Variants in ZDHHC11 observed in about 807,000 individuals in gnomAD.
ZDHHC11 encodes zDHHC palmitoyltransferase 11.
Under a neutral mutation model 51.3 loss-of-function variants are expected in ZDHHC11, and 44 were observed. The ratio of observed to expected loss-of-function variants is 0.86; its 90% CI spans 0.67 to 1.10. The LOEUF is 1.10. ZDHHC11 is among the 50% of genes least tolerant of loss of function. The probability of loss-of-function intolerance (pLI) is 0.00; values close to 1 mark genes in which losing one functional copy is unlikely to be tolerated. For synonymous variants in ZDHHC11, 163 were observed against 222.0 expected, an observed-to-expected ratio of 0.73 and a Z score of 2.36; for missense variants, 400 against 537.7, an observed-to-expected ratio of 0.74 and a Z score of 2.53.
chr5:822,702 T>C (rs1421933280), intron 8 of ZDHHC11, among the ~76,000 whole-genome samples: 1 of 151,530 alleles, frequency 6.6e-6, no homozygotes, highest in African/African-American at 2.4e-5. Flanking sequence ...AGGCAGGGTC[T>C]TGCTATGTTG....
chr5:842,100 GC>G (rs1189481036), intron 4 of ZDHHC11: 2 of 986,612 alleles, frequency 2.0e-6, no homozygotes, highest in East Asian at 2.3e-4. Context: ...ATCTGGAACA[GC>G]AAACCCAGGA....
intron 11 of ZDHHC11, among the ~76,000 whole-genome samples, chr5:809,418 T>G (rs1033143888): frequency 7.5e-5 from 11 of 147,252 alleles, no homozygotes; most frequent in Admixed American, 2.0e-4. Context: ...CTCCCAAATG[T>G]GGGTCCCGGA....
In ZDHHC11 at chr5:803,722, G is replaced by A. The variant is rs1226450310; in HGVS notation, c.1182-2558C>T. 1.3e-5 allele frequency among the ~76,000 whole-genome samples: 2 copies of A among 150,944 alleles called. 1 individual carries two copies. Among genetic ancestry groups the A allele is most frequent in the African/African-American group, 4.9e-5 (2 of 41,086 alleles). ...AAATCAGCTGTCTTAAATATGCTCA[G>A]TAAACTACAGGAAGTCACTGACAAC... is the stretch of plus-strand genomic sequence containing the variant. On this transcript the variant is annotated intron_variant, in intron 11 of 12. Coordinates refer to ENST00000283441, the MANE Select transcript of ZDHHC11 (RefSeq NM_024786.3).
At chr5:829,672 A>T (rs1185668599) in intron 7 of ZDHHC11, among the ~76,000 whole-genome samples, 1 of 148,558 alleles carries the variant, frequency 6.7e-6, no homozygotes, top group Non-Finnish European at 1.5e-5. Flanking sequence ...CCAAACCATG[A>T]AAGGACATAG....
intron 7 of ZDHHC11, among the ~76,000 whole-genome samples, chr5:831,311 T>G (rs1743048447): frequency 6.7e-6 from 1 of 149,178 alleles, no homozygotes; most frequent in Non-Finnish European, 1.5e-5. Context: ...CAATTGGGTG[T>G]GGTGGCTCAT....
At position 795,806 on chromosome 5, in the gene ZDHHC11, GCT is replaced by G. The variant is rs1737480755; in HGVS notation, c.*780_*781del. ...CAGGTCTGGGGTTTCCCAGTACTAT[GCT>G]CCCATTTCCCAGTACTGTGCTCCCA... On this transcript the variant is annotated 3_prime_UTR_variant, in exon 13 of 13. Coordinates refer to ENST00000283441, the MANE Select transcript of ZDHHC11 (RefSeq NM_024786.3). 1 of 154,226 alleles carries G rather than the reference GCT, an allele frequency of 6.5e-6. No homozygotes were observed. 9.6% of individuals were successfully genotyped at this position (154,226 alleles called of 1,614,324 possible). A position where few individuals can be genotyped will look rare whatever the true frequency, so the allele number is the denominator to read the frequency against.
At chr5:824,744 C>A (rs1742066916) in intron 8 of ZDHHC11, among the ~76,000 whole-genome samples, 1 of 148,912 alleles carries the variant, frequency 6.7e-6, no homozygotes, top group South Asian at 2.1e-4. Flanking sequence ...GTCTCCTACA[C>A]ACAGTCTTTC....
intron 10 of ZDHHC11, chr5:816,947 G>C (rs1358282831): frequency 3.0e-6 from 1 of 329,904 alleles, no homozygotes; most frequent in Non-Finnish European, 6.2e-6. Flanking sequence ...GGATGCATGA[G>C]CCTGAAATGT....
intron 1 of ZDHHC11, among the ~76,000 whole-genome samples, chr5:857,256 A>G (rs914654411): frequency 6.6e-6 from 1 of 152,156 alleles, no homozygotes; most frequent in African/African-American, 2.4e-5. Flanking sequence ...CTGCAGCGCA[A>G]TCCTGTGTGG....
rs147530979 is a variant in ZDHHC11 at position 818,822 on chromosome 5, C to G, written c.1146+703G>C. On this transcript the variant is annotated intron_variant, in intron 10 of 12. Coordinates refer to ENST00000283441, the MANE Select transcript of ZDHHC11 (RefSeq NM_024786.3). ...GCTGCAGTGAGCCATTATCCCACCACTATAATCCATGCTGGGTGACAGAGT... is the reference window on the plus strand; with the variant it reads ...GCTGCAGTGAGCCATTATCCCACCAGTATAATCCATGCTGGGTGACAGAGT... 9.0e-4 allele frequency among the ~76,000 whole-genome samples: 137 copies of G among 151,508 alleles called. 1 individual carries two copies. In the East Asian group the frequency reaches 0.015, roughly 16 times the overall value.
upstream of ZDHHC11, among the ~76,000 whole-genome samples, chr5:853,849 G>A (rs1747701039): frequency 6.7e-6 from 1 of 149,792 alleles, no homozygotes; most frequent in African/African-American, 2.5e-5. Context: ...AGACCCCACA[G>A]AGGACAGTGA....
At chr5:852,891 ACAGTGAG>A (rs1747477818), upstream of ZDHHC11, among the ~76,000 whole-genome samples, 1 of 144,976 alleles carries the variant, frequency 6.9e-6, no homozygotes, top group Non-Finnish European at 1.5e-5. Context: ...CCCACGGAGG[ACAGTGAG>A]CAGCGGGGAC....
intron 1 of ZDHHC11, 59 bp downstream of exon 1, chr5:850,322 C>A: frequency 6.4e-7 from 1 of 1,562,928 alleles, no homozygotes; most frequent in Non-Finnish European, 8.7e-7. Context: ...CAGCCAGGTC[C>A]ATCGCAAGTT....
At chr5:860,358 C>A (rs1036177139), upstream of ZDHHC11, among the ~76,000 whole-genome samples, 1 of 152,166 alleles carries the variant, frequency 6.6e-6, no homozygotes, top group Non-Finnish European at 1.5e-5. The surrounding 1 kb of genome is among the most constrained non-coding windows in gnomAD (Gnocchi z 4.2). Flanking sequence ...CAAAGGTTTT[C>A]TTGCCAAACT....
upstream of ZDHHC11, among the ~76,000 whole-genome samples, chr5:852,166 C>T (rs1224144494): frequency 6.6e-6 from 1 of 152,030 alleles, no homozygotes; most frequent in Non-Finnish European, 1.5e-5. Context: ...AAAACAAAAC[C>T]CAAATGAAAG....
chr5:854,705 G>GC (rs1747884477), upstream of ZDHHC11, among the ~76,000 whole-genome samples: 5 of 148,066 alleles, frequency 3.4e-5, no homozygotes, highest in African/African-American at 7.5e-5. Flanking sequence ...AAGCCGGGGG[G>GC]ACAGACCGCA....
At chr5:804,853 T>G (rs1265438664) in intron 11 of ZDHHC11, among the ~76,000 whole-genome samples, 1 of 151,102 alleles carries the variant, frequency 6.6e-6, no homozygotes, top group African/African-American at 2.4e-5. Flanking sequence ...AAAAGAAATA[T>G]TAAATAAATT....
intron 12 of ZDHHC11, among the ~76,000 whole-genome samples, chr5:797,567 T>G (rs79803593): frequency 0.047 from 7,059 of 150,354 alleles, 271 homozygotes; most frequent in African/African-American, 0.14. Context: ...TAATTTGTTG[T>G]TAAATCCATC....
intron 10 of ZDHHC11, among the ~76,000 whole-genome samples, chr5:815,985 T>A (rs564877259): frequency 7.9e-5 from 12 of 151,592 alleles, no homozygotes; most frequent in Non-Finnish European, 1.2e-4. Flanking sequence ...AGCTCGTGGA[T>A]CCCAGGTGGG....
Sources: gnomAD v4.1 joint callset for allele counts (sites outside exome capture counted in the v4.1 genomes callset) on GRCh38, gnomAD v4.1.1 for gene constraint, Gnocchi (gnomAD v3.1) non-coding constraint, MANE v1.5 for transcripts, NCBI Gene and HGNC (gene_info 2026-07-23, HGNC 2026-07-21) for gene names.